Variants in ZNF404 observed in about 807,000 individuals in gnomAD.
ZNF404 encodes zinc finger protein 404.
A neutral mutation model predicts 7.3 loss-of-function variants in ZNF404; 7 were observed. The observed-to-expected ratio is 0.95, with a 90% CI of 0.54 to 1.79. The LOEUF is 1.79. ZNF404 is among the 40% of genes most tolerant of loss of function. The pLI is 0.00. For missense variants in ZNF404, 560 were observed against 661.5 expected (o/e 0.85, Z 1.68); for synonymous variants, 191 against 209.9 (o/e 0.91, Z 0.78).
intron 2 of ZNF404, among the ~76,000 whole-genome samples, chr19:43,875,537 T>G (rs912730587): frequency 5.9e-5 from 9 of 152,198 alleles, no homozygotes; most frequent in South Asian, 2.1e-4. Flanking sequence ...CTGGGGATAT[T>G]GGGAAAAATA....
chr19:43,882,641 AATGGCCAAGT>A (rs1331309048), intron 1 of ZNF404, among the ~76,000 whole-genome samples: 3 of 152,028 alleles, frequency 2.0e-5, no homozygotes, highest in African/African-American at 7.2e-5. Flanking sequence ...AGAATGAAAA[AATGGCCAAGT>A]ATGGTGGCTT....
intron 2 of ZNF404, 97 bp from the exon 3 acceptor site, chr19:43,874,174 A>G: frequency 1.1e-6 from 1 of 873,146 alleles, no homozygotes; most frequent in Non-Finnish European, 1.7e-6. Context: ...TAAAAAGTGT[A>G]TCTGTTAGTA....
intron 2 of ZNF404, among the ~76,000 whole-genome samples, chr19:43,875,421 C>T (rs1374669144): frequency 6.6e-6 from 1 of 152,056 alleles, no homozygotes; most frequent in Non-Finnish European, 1.5e-5. Flanking sequence ...TCATTTAAAG[C>T]CAAGGTGGAT....
chr19:43,878,731 A>G (rs953657872), intron 2 of ZNF404, among the ~76,000 whole-genome samples: 1 of 152,200 alleles, frequency 6.6e-6, no homozygotes, highest in Non-Finnish European at 1.5e-5. Context: ...CTAAGGCTCT[A>G]CAACTACTTT....
chr19:43,873,852 T>C lies in ZNF404; in HGVS notation c.362A>G (p.His121Arg). ...TTTCTCTCTTGTGTTATTTCTCTTA[T>C]GTAGAGGAAGGGATTTATGTTTTTT... ...IFKKHKSLPL[H>R]KRNNTREKSY... The change falls in exon 3 of 3, where the codon CAT (histidine) becomes CGT (arginine). Residue 121 changes from histidine (H) to arginine (R), a missense_variant. His to Arg is a conservative substitution (Grantham distance 29). Transcript: ENST00000587539. The C allele has an allele frequency of 2.5e-6, 4 of 1,611,708 alleles. No homozygotes were observed. Among genetic ancestry groups the C allele is most frequent in the South Asian group, 1.1e-5 (1 of 91,018 alleles).
chr19:43,880,250 A>T, intron 1 of ZNF404, 114 bp from the exon 2 acceptor site: 2 of 869,220 alleles, frequency 2.3e-6, no homozygotes, highest in Non-Finnish European at 3.5e-6. Context: ...GAGTTACAAG[A>T]TGATGACATG....
chr19:43,874,182 G>T, intron 2 of ZNF404, 105 bp from the exon 3 acceptor site: 1 of 829,718 alleles, frequency 1.2e-6, no homozygotes, highest in Non-Finnish European at 1.8e-6. Context: ...GTATCTGTTA[G>T]TAATAAAAGA....
At position 43,872,513 on chromosome 19, in the gene ZNF404, A is replaced by C. The variant is rs1971817764; in HGVS notation, c.*42T>G. On this transcript the variant is annotated 3_prime_UTR_variant, in exon 3 of 3. Transcript: ENST00000587539. This position sits in a 1 kb window ranked among gnomAD's most constrained non-coding sequence, Gnocchi z 4.4. ...TCTTCACTATAGCATCATAATAGTG[A>C]CAACAGTAAAAATGTGCCATGGCTA... 2 of 1,460,726 alleles carry C rather than the reference A, an allele frequency of 1.4e-6. No homozygotes were observed. The highest frequency in any genetic ancestry group is 2.8e-5 in the South Asian group (2 of 71,264). The allele number at this position is 1,460,726 out of a possible 1,614,324, so 90.5% of individuals were successfully genotyped here. A position where few individuals can be genotyped will look rare whatever the true frequency, so the allele number is the denominator to read the frequency against.
chr19:43,873,950 A>T lies in ZNF404; in HGVS notation c.264T>A (p.Thr88=), dbSNP rs1293005766. The change falls in exon 3 of 3, where the codon ACT becomes ACA. Residue 88 remains threonine, a synonymous_variant. Coordinates refer to ENST00000587539, the MANE Select transcript of ZNF404 (RefSeq NM_001033719.3). ...TFNLMRFIFR[T]DPQYTIEFGR... Reference sequence around the variant, plus strand: ...CAAATTCAATTGTGTACTGTGGGTCAGTTCTGAAAATAAACCTCATAAGGT... The same window carrying T: ...CAAATTCAATTGTGTACTGTGGGTCTGTTCTGAAAATAAACCTCATAAGGT... 2 of 1,613,248 alleles carry T rather than the reference A, an allele frequency of 1.2e-6. No homozygotes were observed. The highest frequency in any genetic ancestry group is 1.7e-6 in the Non-Finnish European group (2 of 1,179,508).
At chr19:43,877,502 G>T (rs974545431) in intron 2 of ZNF404, among the ~76,000 whole-genome samples, 4 of 152,056 alleles carry the variant, frequency 2.6e-5, no homozygotes, top group African/African-American at 7.2e-5. Flanking sequence ...AAAGATAACA[G>T]AAAATAACTT....
rs761109252 is a variant in ZNF404 at position 43,873,825 on chromosome 19, G to A, written c.389C>T (p.Ser130Leu). The part of the protein sequence containing the change: ...LHKRNNTREK[S>L]YECKEYKKGF... ...CTTCTTATATTCCTTACACTCATAT[G>A]ATTTCTCTCTTGTGTTATTTCTCTT... Residue 130 changes from serine to leucine, a missense_variant, in exon 3 of 3, where the codon TCA (serine) becomes TTA (leucine). Transcript: ENST00000587539. 2.5e-6 allele frequency: 4 copies of A among 1,602,078 alleles called. No homozygotes were observed. The highest frequency in any genetic ancestry group is 3.4e-6 in the Non-Finnish European group (4 of 1,179,450).
Position 43,873,927 on chromosome 19 carries a change from A to T in ZNF404, c.287T>A (p.Phe96Tyr). ...FRTDPQYTIE[F>Y]GRQQRPKVGC... ...CACTTTAGGTCTCTGTTGTCTCCCAAATTCAATTGTGTACTGTGGGTCAGT... is the reference window on the plus strand; with the variant it reads ...CACTTTAGGTCTCTGTTGTCTCCCATATTCAATTGTGTACTGTGGGTCAGT... The change falls in exon 3 of 3, where the codon TTT (phenylalanine) becomes TAT (tyrosine). Residue 96 changes from phenylalanine (F) to tyrosine (Y), a missense_variant. By Grantham distance (22) the Phe-to-Tyr change is conservative. Coordinates refer to ENST00000587539, the MANE Select transcript of ZNF404 (RefSeq NM_001033719.3). The T allele has an allele frequency of 6.2e-7, 1 of 1,613,168 alleles. No individual in the cohort carries two copies. Among genetic ancestry groups the T allele is most frequent in the Non-Finnish European group, 8.5e-7 (1 of 1,179,488 alleles).
At position 43,872,450 on chromosome 19, in the gene ZNF404, C is replaced by A. The variant is rs938450006; in HGVS notation, c.*105G>T. 6 of 825,928 alleles carry A rather than the reference C, an allele frequency of 7.3e-6. No homozygotes were observed. Among genetic ancestry groups the A allele is most frequent in the Non-Finnish European group, 1.1e-5 (6 of 567,244 alleles). 51.2% of individuals were successfully genotyped at this position (825,928 alleles called of 1,614,324 possible). On this transcript the variant is annotated 3_prime_UTR_variant, in exon 3 of 3. Coordinates refer to ENST00000587539, the MANE Select transcript of ZNF404 (RefSeq NM_001033719.3). This position sits in a 1 kb window ranked among gnomAD's most constrained non-coding sequence, Gnocchi z 4.4. ...GTAAGCAAATACGATGTGCCAGATG[C>A]CTTTCCAAGTATTTATATTCTATAT... is the stretch of plus-strand genomic sequence containing the variant.
chr19:43,876,931 G>A (rs532232201), intron 2 of ZNF404, among the ~76,000 whole-genome samples: 2 of 152,280 alleles, frequency 1.3e-5, no homozygotes, highest in South Asian at 4.1e-4. Context: ...AAAGGACAAG[G>A]AAAGACAAAG....
In ZNF404 at chr19:43,873,876, T is replaced by C. The variant is rs1374573907; in HGVS notation, c.338A>G (p.Lys113Arg). Reference sequence around the variant, plus strand: ...ATGTAGAGGAAGGGATTTATGTTTTTTGAATATCATTTGACTAAAACATCC... The same window carrying C: ...ATGTAGAGGAAGGGATTTATGTTTTCTGAATATCATTTGACTAAAACATCC... The part of the protein sequence containing the change: ...KVGCFSQMIF[K>R]KHKSLPLHKR... The change falls in exon 3 of 3, where the codon AAA becomes AGA. Residue 113 changes from lysine (K) to arginine (R), a missense_variant. Coordinates refer to ENST00000587539, the MANE Select transcript of ZNF404 (RefSeq NM_001033719.3). 5 of 1,612,988 alleles carry C rather than the reference T, an allele frequency of 3.1e-6. No individual in the cohort carries two copies. The highest frequency in any genetic ancestry group is 4.5e-5 in the East Asian group (2 of 44,818).
rs1971833524 is a variant in ZNF404, at chr19:43,873,900, C to T, written c.314G>A (p.Gly105Glu). 1 of 1,612,946 alleles carries T rather than the reference C, an allele frequency of 6.2e-7. No individual in the cohort carries two copies. The highest frequency in any genetic ancestry group is 1.1e-5 in the South Asian group (1 of 91,008). Residue 105 changes from glycine to glutamate, a missense_variant, in exon 3 of 3, where the codon GGA (glycine) becomes GAA (glutamate). By Grantham distance (98) the Gly-to-Glu change is moderately conservative. Coordinates refer to ENST00000587539, the MANE Select transcript of ZNF404 (RefSeq NM_001033719.3). ...EFGRQQRPKV[G>E]CFSQMIFKKH... Reference sequence around the variant, plus strand: ...TTTGAATATCATTTGACTAAAACATCCCACTTTAGGTCTCTGTTGTCTCCC... The same window carrying T: ...TTTGAATATCATTTGACTAAAACATTCCACTTTAGGTCTCTGTTGTCTCCC...
chr19:43,877,141 A>G (rs1971854906), intron 2 of ZNF404, among the ~76,000 whole-genome samples: 1 of 152,236 alleles, frequency 6.6e-6, no homozygotes, highest in African/African-American at 2.4e-5. Flanking sequence ...ATGATTATGT[A>G]AGATGTTATC....
intron 2 of ZNF404, among the ~76,000 whole-genome samples, chr19:43,879,122 G>A (rs1423963046): frequency 6.6e-6 from 1 of 152,076 alleles, no homozygotes; most frequent in Admixed American, 6.6e-5. Flanking sequence ...TGATTAAAAT[G>A]TTCCAAGAAA....
chr19:43,875,867 T>C (rs996027057), intron 2 of ZNF404, among the ~76,000 whole-genome samples: 2 of 152,088 alleles, frequency 1.3e-5, no homozygotes, highest in Non-Finnish European at 2.9e-5. Flanking sequence ...AAATACAAAC[T>C]GAAACTGTAG....
Sources: allele counts gnomAD v4.1 joint callset (sites outside exome capture counted in the v4.1 genomes callset), GRCh38; gene constraint gnomAD v4.1.1; non-coding constraint Gnocchi (gnomAD v3.1); transcripts MANE v1.5; gene names NCBI Gene and HGNC (gene_info 2026-07-23, HGNC 2026-07-21).